CYB561: variants seen among roughly 807,000 people sequenced by gnomAD.
CYB561 encodes the protein cytochrome b561.
A neutral mutation model predicts 25.3 loss-of-function variants in CYB561; 11 were observed. The ratio of observed to expected loss-of-function variants is 0.44; its 90% CI spans 0.27 to 0.72. CYB561 has a LOEUF of 0.72. Among genes scored for constraint, CYB561 ranks in the 30% least tolerant of loss-of-function variants. CYB561 has a pLI of 0.18. For missense variants in CYB561, 295 were observed against 334.9 expected (o/e 0.88, Z 0.93); for synonymous variants, 165 against 158.8 (o/e 1.04, Z -0.29).
chr17:63,439,980 C>A (rs1383119116), intron 1 of CYB561, among the ~76,000 whole-genome samples: 1 of 152,220 alleles, frequency 6.6e-6, no homozygotes, highest in Non-Finnish European at 1.5e-5. Context: ...AGACTTCTGA[C>A]ACATTCCATC....
rs995414002 is a variant in CYB561 at position 63,436,985 on chromosome 17, C to T, written c.202+361G>A. The T allele has an allele frequency of 2.0e-5, 6 of 302,032 alleles. No homozygotes were observed. The South Asian group carries it at 2.4e-4, about 12-fold the overall frequency. 18.7% of individuals were successfully genotyped at this position (302,032 alleles called of 1,614,324 possible). On this transcript the variant is annotated intron_variant, in intron 2 of 5. Coordinates refer to ENST00000360793, the MANE Select transcript of CYB561 (RefSeq NM_001915.4). This position sits in a 1 kb window ranked among gnomAD's most constrained non-coding sequence, Gnocchi z 4.8. ...ACACACATGCGCGCGCACGCACGCACGCATACAAACTCTCACATATGATTA... is the reference window on the plus strand; with the variant it reads ...ACACACATGCGCGCGCACGCACGCATGCATACAAACTCTCACATATGATTA...
chr17:63,445,291 A>C (rs2049412427), intron 1 of CYB561, among the ~76,000 whole-genome samples: 1 of 152,012 alleles, frequency 6.6e-6, no homozygotes, highest in South Asian at 2.1e-4. Flanking sequence ...TCCCTCATGC[A>C]AGGAGGTGGG....
chr17:63,445,724 C>T (rs1156456831), intron 1 of CYB561, among the ~76,000 whole-genome samples: 1 of 152,218 alleles, frequency 6.6e-6, no homozygotes, highest in Non-Finnish European at 1.5e-5. Flanking sequence ...GGCTTTCCCA[C>T]TCGGGAAACT....
At chr17:63,440,683 T>C (rs778419890) in intron 1 of CYB561, 2 of 158,044 alleles carry the variant, frequency 1.3e-5, no homozygotes, top group Admixed American at 1.3e-4. Flanking sequence ...GGCACCGCGG[T>C]GCGCAGATCA....
intron 1 of CYB561, chr17:63,441,013 G>A (rs550781843): frequency 6.6e-5 from 10 of 152,306 alleles, no homozygotes; most frequent in Admixed American, 3.9e-4. Context: ...CTCACACCTC[G>A]TGGAGTACAA....
At chr17:63,445,789 G>C (rs2049417500) in intron 1 of CYB561, 1 of 152,310 alleles carries the variant, frequency 6.6e-6, no homozygotes, top group African/African-American at 2.4e-5. Context: ...GGGGACCTGC[G>C]GCTCCACGTT....
chr17:63,443,352 C>G (rs1010338743), intron 1 of CYB561, among the ~76,000 whole-genome samples: 3 of 152,164 alleles, frequency 2.0e-5, no homozygotes, highest in African/African-American at 7.2e-5. Flanking sequence ...GAACAAGCCG[C>G]AGGGGCTGCA....
At chr17:63,445,078 G>C (rs1004675566) in intron 1 of CYB561, among the ~76,000 whole-genome samples, 13 of 152,118 alleles carry the variant, frequency 8.5e-5, no homozygotes, top group Non-Finnish European at 1.9e-4. Flanking sequence ...AGGGAGGCTG[G>C]AACAGGAGAA....
At chr17:63,440,233 T>G in intron 1 of CYB561, 1 of 398,738 alleles carries the variant, frequency 2.5e-6, no homozygotes, top group Non-Finnish European at 4.4e-6. Flanking sequence ...TCGTCCCAAG[T>G]CACCTTCTCT....
chr17:63,435,640 C>T, intron 4 of CYB561, 48 bp downstream of exon 4: 1 of 1,484,948 alleles, frequency 6.7e-7, no homozygotes, highest in Non-Finnish European at 9.4e-7. Context: ...CTCCTCCTCC[C>T]ACCTCCCTGG....
intron 1 of CYB561, among the ~76,000 whole-genome samples, chr17:63,442,043 G>A (rs73327752): frequency 6.6e-6 from 1 of 152,370 alleles, no homozygotes; most frequent in African/African-American, 2.4e-5. Flanking sequence ...GGGCATCTGG[G>A]AGGAAGCCAG....
Position 63,438,299 on chromosome 17 carries a change from G to T in CYB561, c.-13-739C>A, listed in dbSNP as rs2049336970. The T allele has an allele frequency of 3.2e-6, 4 of 1,237,106 alleles. No homozygotes were observed. In the East Asian group the frequency reaches 7.6e-5, roughly 24 times the overall value. The allele number at this position is 1,237,106 out of a possible 1,614,324, so 76.6% of individuals were successfully genotyped here. A position where few individuals can be genotyped will look rare whatever the true frequency, so the allele number is the denominator to read the frequency against. ...GGCAAGCGCGCTCCTTGACGGGAAG[G>T]AAGGGGCTGGTCACACCTTTTCTCC... On this transcript the variant is annotated intron_variant, in intron 1 of 5. Coordinates refer to ENST00000360793, the MANE Select transcript of CYB561 (RefSeq NM_001915.4).
chr17:63,435,623 A>G lies in CYB561; in HGVS notation c.405+65T>C, dbSNP rs530347076. ...CCTTCCATGAGGTACATTTCAGCCC[A>G]GCTCCCCTCCTCCTCCCACCTCCCT... On this transcript the variant is annotated intron_variant, in intron 4 of 5. Coordinates refer to ENST00000360793, the MANE Select transcript of CYB561 (RefSeq NM_001915.4). 2.1e-5 allele frequency: 27 copies of G among 1,312,326 alleles called. No individual in the cohort carries two copies. In the African/African-American group the frequency reaches 3.8e-4, roughly 18 times the overall value. 81.3% of individuals were successfully genotyped at this position (1,312,326 alleles called of 1,614,324 possible).
In CYB561 at chr17:63,433,850, A is replaced by G; in HGVS notation, c.*552T>C. 5.8e-6 allele frequency: 1 copy of G among 171,854 alleles called. No homozygotes were observed. The highest frequency in any genetic ancestry group is 1.2e-5 in the Non-Finnish European group (1 of 81,948). 10.6% of individuals were successfully genotyped at this position (171,854 alleles called of 1,614,324 possible). ...CCACAGCCTCATCTCAGAGCTTCCC[A>G]GGGGCCAGTCCCTCCCCTCTCCTGG... On this transcript the variant is annotated 3_prime_UTR_variant, in exon 6 of 6. Transcript: ENST00000360793.
intron 3 of CYB561, 121 bp from the exon 4 acceptor site, chr17:63,435,912 C>T (rs924438261): frequency 1.3e-6 from 2 of 1,583,684 alleles, no homozygotes; most frequent in African/African-American, 2.7e-5. Context: ...GGGCTGCCAG[C>T]ACCTAGTGGC....
At chr17:63,441,318 C>T (rs1288512215) in intron 1 of CYB561, among the ~76,000 whole-genome samples, 1 of 152,250 alleles carries the variant, frequency 6.6e-6, no homozygotes, top group Non-Finnish European at 1.5e-5. Context: ...TCTCTAATGT[C>T]ACCCTTAAAT....
chr17:63,437,409 C>T lies in CYB561; in HGVS notation c.139G>A (p.Asp47Asn), dbSNP rs527806618. The change falls in exon 2 of 6, where the codon GAC becomes AAC. Residue 47 changes from aspartate (D) to asparagine (N), a missense_variant. Asp to Asn is a conservative substitution (Grantham distance 23). Transcript: ENST00000360793. ...AGGGGGTGCGCGTTGAACTGCAGGT[C>T]GCTCTCCCAGGCAATGCCGCCTCGG... ...LYRGGIAWES[D>N]LQFNAHPLCM... 2.5e-6 allele frequency: 4 copies of T among 1,614,088 alleles called. No homozygotes were observed. Among genetic ancestry groups the T allele is most frequent in the Admixed American group, 3.3e-5 (2 of 60,026 alleles).
At chr17:63,443,282 G>A (rs1165800202) in intron 1 of CYB561, among the ~76,000 whole-genome samples, 1 of 152,132 alleles carries the variant, frequency 6.6e-6, no homozygotes, top group Non-Finnish European at 1.5e-5. Context: ...CTAAGCCCTG[G>A]TGCATGCAGA....
rs756158998 is a variant in CYB561, at chr17:63,438,023, C to A, written c.-13-463G>T. Reference sequence around the variant, plus strand: ...CTGGAAGCAGCGCTCGCTCTCCTACCCGCAAGCCCCTTCCCACCCATCGTC... The same window carrying A: ...CTGGAAGCAGCGCTCGCTCTCCTACACGCAAGCCCCTTCCCACCCATCGTC... On this transcript the variant is annotated intron_variant, in intron 1 of 5. Transcript: ENST00000360793. 2.1e-5 allele frequency: 31 copies of A among 1,477,720 alleles called. 1 individual carries two copies. The South Asian group carries it at 3.2e-4, about 15-fold the overall frequency. The allele number at this position is 1,477,720 out of a possible 1,614,324, so 91.5% of individuals were successfully genotyped here.
Sources: allele counts gnomAD v4.1 joint callset (sites outside exome capture counted in the v4.1 genomes callset), GRCh38; gene constraint gnomAD v4.1.1; non-coding constraint Gnocchi (gnomAD v3.1); transcripts MANE v1.5; gene names NCBI Gene and HGNC (gene_info 2026-07-23, HGNC 2026-07-21).